ANGPT1: variants seen among roughly 807,000 people sequenced by gnomAD.
ANGPT1 encodes the protein angiopoietin 1.
ANGPT1 carries 17 observed loss-of-function variants against 62.2 expected under a neutral mutation model. The observed-to-expected ratio is 0.27, with a 90% CI of 0.19 to 0.41. The LOEUF (loss-of-function observed/expected upper bound fraction) is 0.41. ANGPT1 is among the 10% of genes least tolerant of loss of function. ANGPT1 has a pLI of 1.00. For missense variants in ANGPT1, 478 were observed against 594.9 expected, an observed-to-expected ratio of 0.80 and a Z score of 2.04; for synonymous variants, 199 against 198.9, an observed-to-expected ratio of 1.00 and a Z score of 0.00.
intron 1 of ANGPT1, among the ~76,000 whole-genome samples, chr8:107,489,813 G>C (rs1352825949): frequency 1.3e-5 from 2 of 151,956 alleles, no homozygotes; most frequent in East Asian, 3.9e-4. Flanking sequence ...AAAACCAAAG[G>C]GGGTTTGGAA....
intron 5 of ANGPT1, among the ~76,000 whole-genome samples, chr8:107,300,758 A>G (rs1814567645): frequency 6.6e-6 from 1 of 151,966 alleles, no homozygotes; most frequent in South Asian, 2.1e-4. Context: ...ACATTTGTGA[A>G]TATAATATTC....
At chr8:107,418,532 T>C (rs977268975) in intron 1 of ANGPT1, among the ~76,000 whole-genome samples, 1 of 152,328 alleles carries the variant, frequency 6.6e-6, no homozygotes, top group South Asian at 2.1e-4. Context: ...GCAATTTCCA[T>C]GCTTCTTTAG....
chr8:107,387,245 G>A (rs956425493), intron 1 of ANGPT1, among the ~76,000 whole-genome samples: 4 of 152,110 alleles, frequency 2.6e-5, no homozygotes, highest in African/African-American at 9.7e-5. Context: ...GAGCAACGTT[G>A]ATGAAATGAC....
At chr8:107,363,757 TA>T (rs1047449344) in intron 1 of ANGPT1, among the ~76,000 whole-genome samples, 1 of 151,772 alleles carries the variant, frequency 6.6e-6, no homozygotes, top group Non-Finnish European at 1.5e-5. Flanking sequence ...CATTGGACAG[TA>T]AAAAAAATAA....
chr8:107,425,753 A>T (rs1464488427), intron 1 of ANGPT1, among the ~76,000 whole-genome samples: 1 of 152,228 alleles, frequency 6.6e-6, no homozygotes, highest in South Asian at 2.1e-4. Flanking sequence ...CACAACTTGC[A>T]TAAGAAAGCC....
rs562799372 is a variant in ANGPT1, at chr8:107,358,442, G to T, written c.298-11345C>A. Among the ~76,000 whole-genome samples, 9 of 151,990 alleles carry T rather than the reference G, an allele frequency of 5.9e-5. No individual in the cohort carries two copies. In the South Asian group the frequency reaches 1.9e-3, roughly 32 times the overall value. Reference sequence around the variant, plus strand: ...GGGCATTGTTTCATCTTTCACAAAGGCCATTTTGGTGCCCTGGTGATGCTT... The same window carrying T: ...GGGCATTGTTTCATCTTTCACAAAGTCCATTTTGGTGCCCTGGTGATGCTT... On this transcript the variant is annotated intron_variant, in intron 1 of 8. Transcript: ENST00000517746.
Position 107,364,935 on chromosome 8 carries a change from T to C in ANGPT1, c.298-17838A>G, listed in dbSNP as rs533960416. Among the ~76,000 whole-genome samples the C allele has an allele frequency of 9.3e-5, 14 of 151,266 alleles. No homozygotes were observed. The South Asian group carries it at 2.1e-3, about 23-fold the overall frequency. On this transcript the variant is annotated intron_variant, in intron 1 of 8. Coordinates refer to ENST00000517746, the MANE Select transcript of ANGPT1 (RefSeq NM_001146.5). Reference sequence around the variant, plus strand: ...AAAAGAACTGTGCAGGTAAGAGGTGTAGGGAGCAAGGATTGGAGGAAGATT... The same window carrying C: ...AAAAGAACTGTGCAGGTAAGAGGTGCAGGGAGCAAGGATTGGAGGAAGATT...
intron 1 of ANGPT1, among the ~76,000 whole-genome samples, chr8:107,422,315 CAG>C (rs1810914651): frequency 6.6e-6 from 1 of 152,160 alleles, no homozygotes; most frequent in South Asian, 2.1e-4. Context: ...AACCAGGGAT[CAG>C]AGAGTCTGAG....
chr8:107,337,954 G>A (rs1006803986), intron 2 of ANGPT1, among the ~76,000 whole-genome samples: 6 of 152,026 alleles, frequency 3.9e-5, no homozygotes, highest in African/African-American at 1.4e-4. Context: ...AAATTAACTG[G>A]GCATGGTGGT....
At chr8:107,395,648 C>T (rs1229908656) in intron 1 of ANGPT1, among the ~76,000 whole-genome samples, 1 of 152,054 alleles carries the variant, frequency 6.6e-6, no homozygotes, top group African/African-American at 2.4e-5. Context: ...GTAATATCTA[C>T]AACTAAGATA....
chr8:107,490,073 A>C, intron 1 of ANGPT1, among the ~76,000 whole-genome samples: 1 of 152,218 alleles, frequency 6.6e-6, no homozygotes, highest in East Asian at 1.9e-4. Context: ...GGGGCTGATA[A>C]AACTCTGTGT....
intron 1 of ANGPT1, among the ~76,000 whole-genome samples, chr8:107,476,734 G>T (rs979066125): frequency 3.3e-5 from 5 of 152,084 alleles, no homozygotes; most frequent in Non-Finnish European, 7.4e-5. Context: ...AGCTCCATAT[G>T]ACACAAATGC....
intron 8 of ANGPT1, among the ~76,000 whole-genome samples, chr8:107,259,952 C>T (rs1015856640): frequency 6.6e-6 from 1 of 151,970 alleles, no homozygotes; most frequent in Non-Finnish European, 1.5e-5. Context: ...AAAAAGTATG[C>T]ATTGAATGAG....
chr8:107,363,133 A>C (rs1353168081), intron 1 of ANGPT1, among the ~76,000 whole-genome samples: 1 of 150,876 alleles, frequency 6.6e-6, no homozygotes, highest in African/African-American at 2.4e-5. Context: ...ATGAACTCCA[A>C]GGTCTTTTAC....
At position 107,486,150 on chromosome 8, in the gene ANGPT1, A is replaced by C. The variant is rs535794019; in HGVS notation, c.297+11112T>G. Among the ~76,000 whole-genome samples, 10 of 152,352 alleles carry C rather than the reference A, an allele frequency of 6.6e-5. No individual in the cohort carries two copies. In the East Asian group the frequency reaches 1.9e-3, roughly 29 times the overall value. Reference sequence around the variant, plus strand: ...AAAGGGGCAACACATTTAGTATGAAAGAATTAAGGGTTTAGACACAAAGAC... The same window carrying C: ...AAAGGGGCAACACATTTAGTATGAACGAATTAAGGGTTTAGACACAAAGAC... On this transcript the variant is annotated intron_variant, in intron 1 of 8. Transcript: ENST00000517746.
chr8:107,489,787 C>T (rs1214479177), intron 1 of ANGPT1, among the ~76,000 whole-genome samples: 3 of 152,108 alleles, frequency 2.0e-5, no homozygotes, highest in African/African-American at 7.2e-5. Flanking sequence ...CCCTCCCTCC[C>T]TCAGACCATG....
At chr8:107,432,056 C>A (rs1445166885) in intron 1 of ANGPT1, among the ~76,000 whole-genome samples, 2 of 151,600 alleles carry the variant, frequency 1.3e-5, no homozygotes, top group Non-Finnish European at 2.9e-5. Flanking sequence ...ACAATTAATA[C>A]CATCATAAAA....
intron 7 of ANGPT1, chr8:107,284,465 C>A: frequency 6.3e-6 from 2 of 316,884 alleles, no homozygotes; most frequent in Non-Finnish European, 1.1e-5. Context: ...AAAATTTAAG[C>A]CAATATCAAA....
At chr8:107,436,134 G>A (rs1441265524) in intron 1 of ANGPT1, among the ~76,000 whole-genome samples, 1 of 152,124 alleles carries the variant, frequency 6.6e-6, no homozygotes, top group Non-Finnish European at 1.5e-5. Flanking sequence ...TCCAACTCCT[G>A]AGCACTAGCA....
Sources: gnomAD v4.1 joint callset for allele counts (sites outside exome capture counted in the v4.1 genomes callset) on GRCh38, gnomAD v4.1.1 for gene constraint, MANE v1.5 for transcripts, NCBI Gene and HGNC (gene_info 2026-07-23, HGNC 2026-07-21) for gene names.